PCID2: variants seen among roughly 807,000 people sequenced by gnomAD.
PCID2 encodes the protein PCI domain-containing protein 2.
Under a neutral mutation model 61.3 loss-of-function variants are expected in PCID2, and 41 were observed. The observed-to-expected ratio is 0.67, with a 90% CI of 0.52 to 0.87. The LOEUF (loss-of-function observed/expected upper bound fraction) is 0.87, where lower values mean the gene tolerates loss of function less well. PCID2 is among the 40% of genes least tolerant of loss of function. PCID2 has a pLI of 0.00. For synonymous variants in PCID2, 187 were observed against 177.8 expected (o/e 1.05, Z -0.41); for missense variants, 392 against 493.4 (o/e 0.79, Z 1.95).
chr13:113,165,599 C>T, the PCID2 span, among the ~76,000 whole-genome samples: 10 of 152,186 alleles, frequency 6.6e-5, no homozygotes, highest in East Asian at 1.9e-4. Flanking sequence ...GGTCCAGTCC[C>T]GGCTCACTGC....
chr13:113,185,430 A>T, intron 8 of PCID2, 55 bp downstream of exon 8: 1 of 1,198,842 alleles, frequency 8.3e-7, no homozygotes, highest in Non-Finnish European at 1.2e-6. Flanking sequence ...GATATGTGGG[A>T]AGCCCAGGAC....
intron 7 of PCID2, chr13:113,185,825 G>A: frequency 6.0e-6 from 2 of 332,530 alleles, no homozygotes; most frequent in South Asian, 6.5e-5. Context: ...TTCCTCCGCG[G>A]CACCAGCTAA....
downstream of PCID2, among the ~76,000 whole-genome samples, chr13:113,174,394 G>C (rs143976585): frequency 7.2e-5 from 11 of 152,286 alleles, no homozygotes; most frequent in Non-Finnish European, 1.6e-4. Flanking sequence ...TCAAAATGAA[G>C]TAACTACTCT....
intron 9 of PCID2, among the ~76,000 whole-genome samples, chr13:113,183,433 G>GA (rs1180876763): frequency 6.8e-6 from 1 of 146,788 alleles, no homozygotes; most frequent in Non-Finnish European, 1.5e-5. Context: ...CATATTAAGA[G>GA]AAAAAAAAAG....
intron 4 of PCID2, 155 bp downstream of exon 4, chr13:113,197,023 G>C: frequency 6.2e-7 from 1 of 1,611,720 alleles, no homozygotes; most frequent in South Asian, 1.1e-5. Flanking sequence ...AAGTACCCAA[G>C]TGAAAGAGCT....
At chr13:113,190,136 G>T (rs2038483436) in intron 7 of PCID2, among the ~76,000 whole-genome samples, 1 of 151,658 alleles carries the variant, frequency 6.6e-6, no homozygotes, top group Non-Finnish European at 1.5e-5. Flanking sequence ...AGAAAAAATG[G>T]GGCCAAAAGT....
chr13:113,184,690 G>A (rs558798526), intron 8 of PCID2, among the ~76,000 whole-genome samples: 75 of 152,182 alleles, frequency 4.9e-4, no homozygotes, highest in Non-Finnish European at 9.0e-4. Context: ...TTCCGGGGGC[G>A]CAGCCCTGCA....
At position 113,185,492 on chromosome 13, in the gene PCID2, T is replaced by G; in HGVS notation, c.536A>C (p.Tyr179Ser). 1 of 1,610,328 alleles carries G rather than the reference T, an allele frequency of 6.2e-7. No homozygotes were observed. The highest frequency in any genetic ancestry group is 8.5e-7 in the Non-Finnish European group (1 of 1,176,532). Reference protein sequence around the residue: ...LFLVNQLFKIYFKINKLHLCK... With the variant: ...LFLVNQLFKISFKINKLHLCK... ...ATTCAAACAGAAGCACACCTTGAAG[T>G]AGATTTTAAACAGCTGGTTCACCAG... Residue 179 changes from tyrosine to serine, a missense_variant, in exon 8 of 14, where the codon TAC (tyrosine) becomes TCC (serine). By Grantham distance (144) the Tyr-to-Ser change is moderately radical. Around this residue, in one of 3 missense-constraint regions of PCID2, gnomAD observed 226 missense variants for 296.5 expected, o/e 0.76. Transcript: ENST00000337344.
intron 3 of PCID2, among the ~76,000 whole-genome samples, chr13:113,197,864 C>T (rs764951110): frequency 6.6e-5 from 10 of 152,208 alleles, no homozygotes; most frequent in Non-Finnish European, 1.5e-4. Context: ...CTTTGCTCAA[C>T]TCTAATTTCT....
intron 1 of PCID2, among the ~76,000 whole-genome samples, chr13:113,201,948 G>T (rs1383173010): frequency 1.3e-5 from 2 of 151,998 alleles, no homozygotes; most frequent in Admixed American, 1.3e-4. Flanking sequence ...GACTGACCGG[G>T]GATGTCATAA....
intron 13 of PCID2, 61 bp from the exon 14 acceptor site, chr13:113,178,348 C>T: frequency 8.2e-7 from 1 of 1,220,338 alleles, no homozygotes; most frequent in South Asian, 1.2e-5. Context: ...GTCAAAGATG[C>T]TGGGTGATCT....
rs1412239670 is a variant in PCID2 at position 113,190,631 on chromosome 13, C to T, written c.467+241G>A. 3 of 351,156 alleles carry T rather than the reference C, an allele frequency of 8.5e-6. No individual in the cohort carries two copies. In the Admixed American group the frequency reaches 1.4e-4, roughly 17 times the overall value. 21.8% of individuals were successfully genotyped at this position (351,156 alleles called of 1,614,324 possible). On this transcript the variant is annotated intron_variant, in intron 7 of 13. Coordinates refer to ENST00000337344, the MANE Select transcript of PCID2 (RefSeq NM_001127202.4). The stretch of plus-strand genomic sequence containing the variant: ...AATGGCACTAGACGGAAACTGGTTC[C>T]TGCAGAGAGGAGCTCCAGGCATGGT...
At chr13:113,174,656 TG>T (rs1448458215), downstream of PCID2, among the ~76,000 whole-genome samples, 3 of 152,128 alleles carry the variant, frequency 2.0e-5, no homozygotes, top group Non-Finnish European at 1.5e-5. Context: ...AGCTAATTTT[TG>T]TATTTTCTGC....
Position 113,185,564 on chromosome 13 carries a change from TG to T in PCID2, c.468-5del. 6.3e-7 allele frequency: 1 copy of T among 1,594,196 alleles called. No homozygotes were observed. The highest frequency in any genetic ancestry group is 8.6e-7 in the Non-Finnish European group (1 of 1,165,738). The stretch of plus-strand genomic sequence containing the variant: ...AGAGTCCTCTATACCAGCACGGCTA[TG>T]GGGAAATAATTTTTTTTAAGTTACA... On this transcript the variant is annotated splice_polypyrimidine_tract_variant and splice_region_variant and intron_variant, in intron 7 of 13. Transcript: ENST00000337344.
chr13:113,200,823 C>T (rs2039376322), intron 1 of PCID2: 2 of 270,648 alleles, frequency 7.4e-6, no homozygotes, highest in Non-Finnish European at 1.4e-5. Flanking sequence ...TGGCTCAGGC[C>T]TGTAATCCCA....
intron 9 of PCID2, among the ~76,000 whole-genome samples, chr13:113,182,869 T>C (rs1232597222): frequency 6.6e-6 from 1 of 152,210 alleles, no homozygotes; most frequent in Non-Finnish European, 1.5e-5. Flanking sequence ...TTGCATCAAA[T>C]AATATATTTC....
the PCID2 span, chr13:113,172,168 C>A: frequency 6.3e-7 from 1 of 1,586,620 alleles, no homozygotes; most frequent in South Asian, 1.1e-5. Context: ...CTGGCACTGC[C>A]ACTGTGGAGG....
rs752568912 is a variant in PCID2 at position 113,178,176 on chromosome 13, G to A, written c.*22C>T. ...AGTGGAAAGAAACAACTGCTCACCC[G>A]TCCTCGGGGCTCCGTGTACTTTCAA... On this transcript the variant is annotated 3_prime_UTR_variant, in exon 14 of 14. Transcript: ENST00000337344. The A allele has an allele frequency of 2.0e-5, 32 of 1,584,262 alleles. No homozygotes were observed. The highest frequency in any genetic ancestry group is 6.7e-5 in the African/African-American group (5 of 74,288).
chr13:113,178,366 T>C, intron 13 of PCID2, 79 bp from the exon 14 acceptor site: 1 of 1,054,594 alleles, frequency 9.5e-7, no homozygotes, highest in Non-Finnish European at 1.5e-6. Context: ...TCTAATTAAT[T>C]TGGCATTAGC....
Sources: gnomAD v4.1 joint callset for allele counts (sites outside exome capture counted in the v4.1 genomes callset) on GRCh38, gnomAD v4.1.1 for gene constraint, gnomAD v4.1.1 regional missense constraint, MANE v1.5 for transcripts, NCBI Gene and HGNC (gene_info 2026-07-23, HGNC 2026-07-21) for gene names.